The following CASS4 variants were observed in gnomAD, a reference collection of about 807,000 sequenced individuals.
CASS4 encodes Cas scaffold protein family member 4.
A neutral mutation model predicts 54.2 loss-of-function variants in CASS4; 22 were observed. The ratio of observed to expected loss-of-function variants is 0.41; its 90% CI spans 0.29 to 0.58. The LOEUF (loss-of-function observed/expected upper bound fraction) is 0.58. CASS4 is among the 20% of genes least tolerant of loss of function. The pLI is 0.36. For missense variants in CASS4, 854 were observed against 986.7 expected, an observed-to-expected ratio of 0.87 and a Z score of 1.80; for synonymous variants, 409 against 391.5, an observed-to-expected ratio of 1.04 and a Z score of -0.53.
rs572652711 is a variant in CASS4, at chr20:56,423,540, T to TTTTA, written c.36+11065_36+11068dup. On this transcript the variant is annotated intron_variant, in intron 1 of 5. Transcript: ENST00000679887. ...GTTTTAAAGCTTAAACATTACTTTA[T>TTTTA]TTTATTTATTTATTTATTTATTGAG... Among the ~76,000 whole-genome samples, 17 of 152,240 alleles carry TTTTA rather than the reference T, an allele frequency of 1.1e-4. No individual in the cohort carries two copies. The East Asian group carries it at 1.2e-3, about 10-fold the overall frequency.
rs766264727 is a variant in CASS4 at position 56,412,488 on chromosome 20, G to A, written c.30G>A (p.Ala10=). The A allele has an allele frequency of 8.1e-6, 13 of 1,612,202 alleles. No homozygotes were observed. The South Asian group carries it at 9.9e-5, about 12-fold the overall frequency. The change falls in exon 1 of 6, where the codon GCG becomes GCA. Residue 10 remains alanine (A), a synonymous_variant. Transcript: ENST00000679887. This position sits in a 1 kb window ranked among gnomAD's most constrained non-coding sequence, Gnocchi z 4.2. MKGTGIMDC[A]PKALLARALY... is the part of the protein sequence containing the mutation. ...AGGGAACAGGCATCATGGACTGTGC[G>A]CCCAAGGTGAGTGATGTGGGGCTGT...
At chr20:56,444,762 G>A (rs1458717329) in intron 2 of CASS4, among the ~76,000 whole-genome samples, 1 of 152,210 alleles carries the variant, frequency 6.6e-6, no homozygotes, top group Non-Finnish European at 1.5e-5. Context: ...TTCCATGGCT[G>A]AGACCATGTT....
At chr20:56,454,431 T>C (rs973157632) in intron 5 of CASS4, among the ~76,000 whole-genome samples, 1 of 152,200 alleles carries the variant, frequency 6.6e-6, no homozygotes, top group Non-Finnish European at 1.5e-5. Flanking sequence ...CATACACATA[T>C]ATATAACTTT....
intron 1 of CASS4, among the ~76,000 whole-genome samples, chr20:56,419,991 C>T (rs1429727085): frequency 2.0e-5 from 3 of 151,980 alleles, no homozygotes; most frequent in African/African-American, 4.8e-5. Context: ...TGTGGTGAGC[C>T]GAAATCACGC....
Position 56,443,480 on chromosome 20 carries a change from A to G in CASS4, c.460-2420A>G, listed in dbSNP as rs538292704. 3.7e-4 allele frequency among the ~76,000 whole-genome samples: 56 copies of G among 151,500 alleles called. 2 individuals are homozygous for G. The highest frequency in any genetic ancestry group is 7.4e-5 in the Non-Finnish European group (5 of 67,922). On this transcript the variant is annotated intron_variant, in intron 2 of 5. Transcript: ENST00000679887. ...CGAGACTCCGTCTCCAAAAAAAAAA[A>G]GAAGCTTGGATTTCATTCAAAATGC...
intron 1 of CASS4, among the ~76,000 whole-genome samples, chr20:56,420,292 G>C (rs1384284596): frequency 1.3e-5 from 2 of 152,142 alleles, no homozygotes; most frequent in Non-Finnish European, 2.9e-5. Context: ...GGAGGGACAG[G>C]GGGCAAAAGA....
Position 56,419,613 on chromosome 20 carries a change from G to A in CASS4, c.36+7119G>A, listed in dbSNP as rs564724115. Among the ~76,000 whole-genome samples the A allele has an allele frequency of 1.3e-5, 2 of 152,004 alleles. 1 individual carries two copies. Among genetic ancestry groups the A allele is most frequent in the South Asian group, 4.1e-4 (2 of 4,822 alleles). On this transcript the variant is annotated intron_variant, in intron 1 of 5. Coordinates refer to ENST00000679887, the MANE Select transcript of CASS4 (RefSeq NM_020356.4). Reference sequence around the variant, plus strand: ...GGCTAATTTTTGTATTTTTAGTAGAGGTGGGTTTTTTTTCACCATGTTGCC... The same window carrying A: ...GGCTAATTTTTGTATTTTTAGTAGAAGTGGGTTTTTTTTCACCATGTTGCC...
chr20:56,414,242 TG>T lies in CASS4; in HGVS notation c.36+1749del. ...TTTTCTGGCTGTTGTTGTTTGTGTGTGTGTTTGTCTTTCTGATCCAGGTGGT... is the reference window on the plus strand; with the variant it reads ...TTTTCTGGCTGTTGTTGTTTGTGTGTTGTTTGTCTTTCTGATCCAGGTGGT... On this transcript the variant is annotated intron_variant, in intron 1 of 5. Coordinates refer to ENST00000679887, the MANE Select transcript of CASS4 (RefSeq NM_020356.4). This position sits in a 1 kb window ranked among gnomAD's most constrained non-coding sequence, Gnocchi z 4.1. Among the ~76,000 whole-genome samples the T allele has an allele frequency of 6.6e-6, 1 of 152,230 alleles. No homozygotes were observed. Among genetic ancestry groups the T allele is most frequent in the African/African-American group, 2.4e-5 (1 of 41,446 alleles).
chr20:56,451,717 A>G, intron 4 of CASS4, 102 bp from the exon 5 acceptor site: 1 of 810,952 alleles, frequency 1.2e-6, no homozygotes, highest in Non-Finnish European at 2.0e-6. Flanking sequence ...AGAAATGGGG[A>G]GCCACTGAAG....
chr20:56,416,195 A>G (rs959971240), intron 1 of CASS4, among the ~76,000 whole-genome samples: 18 of 152,144 alleles, frequency 1.2e-4, no homozygotes, highest in African/African-American at 4.3e-4. Flanking sequence ...GATTACAGGC[A>G]TGTGCCACCA....
intron 2 of CASS4, among the ~76,000 whole-genome samples, chr20:56,441,422 T>C (rs1051383526): frequency 6.6e-6 from 1 of 151,752 alleles, no homozygotes; most frequent in Non-Finnish European, 1.5e-5. Context: ...CTGGCCAACA[T>C]AGTGAAACCC....
At chr20:56,426,138 T>C (rs931252056) in intron 1 of CASS4, among the ~76,000 whole-genome samples, 2 of 152,088 alleles carry the variant, frequency 1.3e-5, no homozygotes, top group African/African-American at 4.8e-5. Flanking sequence ...CTAAGCAGAG[T>C]GGTTTGTAGG....
At chr20:56,419,008 A>G (rs1383175526) in intron 1 of CASS4, among the ~76,000 whole-genome samples, 6 of 152,054 alleles carry the variant, frequency 3.9e-5, no homozygotes, top group South Asian at 4.1e-4. Context: ...ACTTGGGGGG[A>G]AAAAAAGCTA....
chr20:56,424,312 A>C lies in CASS4; in HGVS notation c.36+11818A>C, dbSNP rs541649479. 3.9e-5 allele frequency among the ~76,000 whole-genome samples: 6 copies of C among 152,366 alleles called. No individual in the cohort carries two copies. In the South Asian group the frequency reaches 1.2e-3, roughly 32 times the overall value. ...TAGTTTAATCTACCTGCAAATTCTTAAAGCAAGTTCTGGTTATGAAATATA... is the reference window on the plus strand; with the variant it reads ...TAGTTTAATCTACCTGCAAATTCTTCAAGCAAGTTCTGGTTATGAAATATA... On this transcript the variant is annotated intron_variant, in intron 1 of 5. Transcript: ENST00000679887.
intron 1 of CASS4, among the ~76,000 whole-genome samples, chr20:56,421,808 G>A (rs1476481906): frequency 6.6e-6 from 1 of 151,840 alleles, no homozygotes; most frequent in African/African-American, 2.4e-5. Flanking sequence ...CTTTCTTTAT[G>A]CCTTTCCTCA....
intron 5 of CASS4, chr20:56,453,900 T>C (rs1312235621): frequency 6.7e-6 from 1 of 148,444 alleles, no homozygotes; most frequent in Non-Finnish European, 1.5e-5. Flanking sequence ...AAAAAAAGAG[T>C]TGGGATATAG....
intron 1 of CASS4, among the ~76,000 whole-genome samples, chr20:56,431,309 C>T (rs1216021290): frequency 6.6e-6 from 1 of 152,212 alleles, no homozygotes; most frequent in African/African-American, 2.4e-5. Flanking sequence ...CTCCCCAAGA[C>T]TTTGCACATG....
At position 56,460,223 on chromosome 20, in the gene CASS4, T is replaced by A. The variant is rs140007394; in HGVS notation, c.*1476T>A. On this transcript the variant is annotated 3_prime_UTR_variant, in exon 6 of 6. Transcript: ENST00000679887. ...CATTATAGATTCTGGGTTGATAAAT[T>A]CTGCTCAATTTGAAAAATTTTATAT... 4.9e-4 allele frequency: 75 copies of A among 152,694 alleles called. No individual in the cohort carries two copies. Among genetic ancestry groups the A allele is most frequent in the Middle Eastern group, 3.4e-3 (1 of 294 alleles). The allele number at this position is 152,694 out of a possible 1,614,324, so 9.5% of individuals were successfully genotyped here.
intron 1 of CASS4, among the ~76,000 whole-genome samples, chr20:56,413,498 C>A (rs189670762): frequency 8.4e-4 from 127 of 151,838 alleles, no homozygotes; most frequent in Middle Eastern, 3.4e-3. Context: ...CATGAAAAAA[C>A]CCCATATCTA....
Sources: allele counts gnomAD v4.1 joint callset (sites outside exome capture counted in the v4.1 genomes callset), GRCh38; gene constraint gnomAD v4.1.1; non-coding constraint Gnocchi (gnomAD v3.1); transcripts MANE v1.5; gene names NCBI Gene and HGNC (gene_info 2026-07-23, HGNC 2026-07-21).